Variants in CHD5 observed in about 807,000 individuals in gnomAD.
The protein encoded by CHD5 is chromodomain helicase DNA binding protein 5.
Under a neutral mutation model 230.3 loss-of-function variants are expected in CHD5, and 69 were observed. That is an observed-to-expected ratio of 0.30 (90% confidence interval 0.25 to 0.37). The LOEUF (loss-of-function observed/expected upper bound fraction) is 0.37, where lower values mean the gene tolerates loss of function less well. Among genes scored for constraint, CHD5 ranks in the 10% least tolerant of loss-of-function variants. CHD5 has a pLI of 1.00. For missense variants in CHD5, 1,827 were observed against 2,622.8 expected, an observed-to-expected ratio of 0.70 and a Z score of 6.63; for synonymous variants, 1,064 against 1,065.9, an observed-to-expected ratio of 1.00 and a Z score of 0.03.
rs569531272 is a variant in CHD5 at position 6,123,583 on chromosome 1, T to C, written c.4699+365A>G. 6.6e-5 allele frequency among the ~76,000 whole-genome samples: 10 copies of C among 152,142 alleles called. No individual in the cohort carries two copies. The South Asian group carries it at 1.0e-3, about 16-fold the overall frequency. On this transcript the variant is annotated intron_variant, in intron 31 of 41. Transcript: ENST00000262450. ...CCGGGATTACAGGCACGTGCCACCA[T>C]GCCCGGCTAATCTTTTGTATTTTTA...
chr1:6,151,801 G>A (rs549103840), intron 6 of CHD5, among the ~76,000 whole-genome samples: 1 of 152,204 alleles, frequency 6.6e-6, no homozygotes, highest in Non-Finnish European at 1.5e-5. Context: ...CCCACCGCAG[G>A]GCTGGGGTGA....
Position 6,146,670 on chromosome 1 carries a change from G to A in CHD5, c.1585C>T (p.Leu529=). 3 of 1,613,898 alleles carry A rather than the reference G, an allele frequency of 1.9e-6. No individual in the cohort carries two copies. The highest frequency in any genetic ancestry group is 2.5e-6 in the Non-Finnish European group (3 of 1,179,960). The stretch of plus-strand genomic sequence containing the variant: ...CCACCCTCCCGGGCACTCACCTGTA[G>A]CTCCTTCACCCAGGAGCAATGCCAG... ...SYWHCSWVKE[L]QLELYHTVMY... is the part of the protein sequence containing the mutation. The change falls in exon 10 of 42, where the codon CTA becomes TTA. Residue 529 remains leucine (L), a synonymous_variant. Coordinates refer to ENST00000262450, the MANE Select transcript of CHD5 (RefSeq NM_015557.3). This position sits in a 1 kb window ranked among gnomAD's most constrained non-coding sequence, Gnocchi z 5.1.
chr1:6,160,988 G>GCCATGCGCAGGACTGCT (rs1553142622), intron 2 of CHD5, among the ~76,000 whole-genome samples: 1 of 152,218 alleles, frequency 6.6e-6, no homozygotes, highest in African/African-American at 2.4e-5. Flanking sequence ...TGCGGGGCTT[G>GCCATGCGCAGGACTGCT]CCATGCGCAG....
chr1:6,151,356 G>A (rs1361427064), intron 6 of CHD5, among the ~76,000 whole-genome samples: 1 of 152,176 alleles, frequency 6.6e-6, no homozygotes, highest in Non-Finnish European at 1.5e-5. Context: ...CCTACCCAGA[G>A]CCCTGCTCTC....
intron 34 of CHD5, 65 bp downstream of exon 34, chr1:6,112,844 A>G (rs1272725424): frequency 1.7e-6 from 2 of 1,200,674 alleles, no homozygotes; most frequent in Non-Finnish European, 2.4e-6. Flanking sequence ...GAGGCTGAAC[A>G]GGGTCCAGAG....
chr1:6,135,149 G>A lies in CHD5; in HGVS notation c.2870+81C>T, dbSNP rs58363298. On this transcript the variant is annotated intron_variant, in intron 18 of 41. Coordinates refer to ENST00000262450, the MANE Select transcript of CHD5 (RefSeq NM_015557.3). ...CCTCAGTGAGGCTGAAGAGCCCTCCGCCCACCTGGGAATCGACCCAGGAGA... is the reference window on the plus strand; with the variant it reads ...CCTCAGTGAGGCTGAAGAGCCCTCCACCCACCTGGGAATCGACCCAGGAGA... 0.017 allele frequency: 25,323 copies of A among 1,526,152 alleles called. 2,905 individuals are homozygous for A. In the African/African-American group the frequency reaches 0.28, roughly 17 times the overall value. The allele number at this position is 1,526,152 out of a possible 1,614,324, so 94.5% of individuals were successfully genotyped here.
chr1:6,108,645 A>G (rs1476981384), intron 38 of CHD5, among the ~76,000 whole-genome samples: 10 of 137,562 alleles, frequency 7.3e-5, no homozygotes, highest in African/African-American at 2.8e-4. Flanking sequence ...GAGTGGAAGG[A>G]CAGAGGCATG....
Position 6,142,748 on chromosome 1 carries a change from G to T in CHD5, c.2044-143C>A. On this transcript the variant is annotated intron_variant, in intron 13 of 41. Transcript: ENST00000262450. This position sits in a 1 kb window ranked among gnomAD's most constrained non-coding sequence, Gnocchi z 5.2. The stretch of plus-strand genomic sequence containing the variant: ...CTTCCTAACTCTTCTCCAGTTCTTG[G>T]ATGGAACACCTCTTCCTCTAGGAAG... 2.1e-6 allele frequency: 2 copies of T among 948,404 alleles called. No individual in the cohort carries two copies. The highest frequency in any genetic ancestry group is 3.0e-6 in the Non-Finnish European group (2 of 660,274). 58.7% of individuals were successfully genotyped at this position (948,404 alleles called of 1,614,324 possible).
At position 6,149,012 on chromosome 1, in the gene CHD5, C is replaced by T; in HGVS notation, c.1225G>A (p.Glu409Lys). 1 of 1,604,710 alleles carries T rather than the reference C, an allele frequency of 6.2e-7. No individual in the cohort carries two copies. Among genetic ancestry groups the T allele is most frequent in the Non-Finnish European group, 8.5e-7 (1 of 1,176,016 alleles). Residue 409 changes from glutamate to lysine, a missense_variant, in exon 9 of 42, where the codon GAG becomes AAG. Glu to Lys is a moderately conservative substitution (Grantham distance 56). Transcript: ENST00000262450. ...DDDEEEEGGC[E>K]EEEDDHMEFC... Reference sequence around the variant, plus strand: ...TCCATGTGGTCGTCCTCCTCCTCCTCGCAGCCGCCCTCCTCCTCTTCATCG... The same window carrying T: ...TCCATGTGGTCGTCCTCCTCCTCCTTGCAGCCGCCCTCCTCCTCTTCATCG...
Position 6,121,951 on chromosome 1 carries a change from G to A in CHD5, c.4700-378C>T, listed in dbSNP as rs1391905863. 2.6e-5 allele frequency among the ~76,000 whole-genome samples: 4 copies of A among 152,210 alleles called. No homozygotes were observed. Among genetic ancestry groups the A allele is most frequent in the African/African-American group, 9.6e-5 (4 of 41,454 alleles). ...GGCTGGTGTGTGCCTCTGGACAGGG[G>A]GTGAATTTCCTCCCTGCCAAGCCAG... On this transcript the variant is annotated intron_variant, in intron 31 of 41. Coordinates refer to ENST00000262450, the MANE Select transcript of CHD5 (RefSeq NM_015557.3). The surrounding 1 kb of genome is among the most constrained non-coding windows in gnomAD (Gnocchi z 4.5).
chr1:6,145,105 G>A (rs1490651696), intron 11 of CHD5, among the ~76,000 whole-genome samples: 1 of 152,062 alleles, frequency 6.6e-6, no homozygotes, highest in Non-Finnish European at 1.5e-5. Context: ...AGGGAGGCCT[G>A]GGGAGGAAAA....
Position 6,167,662 on chromosome 1 carries a change from G to A in CHD5, c.207+488C>T, listed in dbSNP as rs570185715. Among the ~76,000 whole-genome samples, 3 of 152,294 alleles carry A rather than the reference G, an allele frequency of 2.0e-5. No individual in the cohort carries two copies. Among genetic ancestry groups the A allele is most frequent in the African/African-American group, 4.8e-5 (2 of 41,566 alleles). Reference sequence around the variant, plus strand: ...TCACACCCTGCCAACCCAAGGCAGCGGAGCATGCGGCAGCCTCGCCCATCC... The same window carrying A: ...TCACACCCTGCCAACCCAAGGCAGCAGAGCATGCGGCAGCCTCGCCCATCC... On this transcript the variant is annotated intron_variant, in intron 2 of 41. Coordinates refer to ENST00000262450, the MANE Select transcript of CHD5 (RefSeq NM_015557.3). This position sits in a 1 kb window ranked among gnomAD's most constrained non-coding sequence, Gnocchi z 4.5.
At position 6,113,297 on chromosome 1, in the gene CHD5, G is replaced by A. The variant is rs538612401; in HGVS notation, c.4913-299C>T. 9.4e-4 allele frequency: 393 copies of A among 416,670 alleles called. 2 individuals are homozygous for A. Among genetic ancestry groups the A allele is most frequent in the South Asian group, 7.1e-3 (370 of 51,964 alleles). The allele number at this position is 416,670 out of a possible 1,614,324, so 25.8% of individuals were successfully genotyped here. ...AACTTAGCTGGGCTTGGCGCCATGC[G>A]CCTGTGGTCCCACCTGTTCAGGAAG... On this transcript the variant is annotated intron_variant, in intron 33 of 41. Transcript: ENST00000262450.
At position 6,121,248 on chromosome 1, in the gene CHD5, A is replaced by G; in HGVS notation, c.4780-11T>C. ...GGCGGCTGGAAGGGCCTGCAGAGGA[A>G]AAGCCAGGAGAACTACAAGGCCTGG... On this transcript the variant is annotated splice_polypyrimidine_tract_variant and intron_variant, in intron 32 of 41. Transcript: ENST00000262450. The surrounding 1 kb of genome is among the most constrained non-coding windows in gnomAD (Gnocchi z 4.5). 1 of 1,605,130 alleles carries G rather than the reference A, an allele frequency of 6.2e-7. No homozygotes were observed.
chr1:6,110,103 C>G, intron 37 of CHD5, 113 bp from the exon 38 acceptor site: 1 of 1,078,406 alleles, frequency 9.3e-7, no homozygotes, highest in Non-Finnish European at 1.3e-6. Context: ...GGAAAGAGGA[C>G]GTACTGCCAT....
At chr1:6,159,310 C>A in intron 3 of CHD5, 26 bp downstream of exon 3, 1 of 1,550,686 alleles carries the variant, frequency 6.4e-7, no homozygotes, top group Non-Finnish European at 8.7e-7. Flanking sequence ...GTCGCTCTGT[C>A]CCCCCAGCCA....
chr1:6,155,030 AT>A lies in CHD5; in HGVS notation c.507-133del. 1 of 837,594 alleles carries A rather than the reference AT, an allele frequency of 1.2e-6. No individual in the cohort carries two copies. The highest frequency in any genetic ancestry group is 1.8e-6 in the Non-Finnish European group (1 of 550,378). The allele number at this position is 837,594 out of a possible 1,614,324, so 51.9% of individuals were successfully genotyped here. A position where few individuals can be genotyped will look rare whatever the true frequency, so the allele number is the denominator to read the frequency against. ...CAGCCCCAGGTTCCTGATTAGAGAG[AT>A]TAGGCGGGAAACCCACTGACCACAG... On this transcript the variant is annotated intron_variant, in intron 4 of 41. Coordinates refer to ENST00000262450, the MANE Select transcript of CHD5 (RefSeq NM_015557.3). The surrounding 1 kb of genome is among the most constrained non-coding windows in gnomAD (Gnocchi z 4.0).
Position 6,144,893 on chromosome 1 carries a change from T to C in CHD5, c.1803-738A>G, listed in dbSNP as rs562304585. 6.6e-5 allele frequency among the ~76,000 whole-genome samples: 10 copies of C among 152,300 alleles called. No individual in the cohort carries two copies. In the South Asian group the frequency reaches 1.9e-3, roughly 28 times the overall value. On this transcript the variant is annotated intron_variant, in intron 11 of 41. Transcript: ENST00000262450. ...ATCCCGTTACCACGGCAACCGATGT[T>C]TGTTTGTTTTCCCATACATAATTGA...
intron 25 of CHD5, 110 bp downstream of exon 25, chr1:6,127,936 G>A (rs1254774278): frequency 2.1e-6 from 2 of 963,994 alleles, no homozygotes; most frequent in African/African-American, 1.6e-5. Flanking sequence ...AGCTTGGAGG[G>A]CTGGCTGCGG....
Sources: gnomAD v4.1 joint callset for allele counts (sites outside exome capture counted in the v4.1 genomes callset) on GRCh38, gnomAD v4.1.1 for gene constraint, Gnocchi (gnomAD v3.1) non-coding constraint, MANE v1.5 for transcripts, NCBI Gene and HGNC (gene_info 2026-07-23, HGNC 2026-07-21) for gene names.